Variants in CCDC33 observed in about 807,000 individuals in gnomAD.
CCDC33 encodes the protein coiled-coil domain containing 33.
CCDC33 carries 94 observed loss-of-function variants against 91.9 expected under a neutral mutation model. That is an observed-to-expected ratio of 1.02 (90% CI 0.87 to 1.21). The LOEUF (loss-of-function observed/expected upper bound fraction) is 1.21. CCDC33 is among the 50% of genes most tolerant of loss of function. The pLI, the probability that CCDC33 is intolerant of heterozygous loss-of-function variation, is 0.00. For missense variants in CCDC33, 940 were observed against 935.5 expected (o/e 1.00, Z -0.06); for synonymous variants, 396 against 374.5 (o/e 1.06, Z -0.66).
chr15:74,335,402 T>G, intron 18 of CCDC33: 1 of 580,472 alleles, frequency 1.7e-6, no homozygotes, highest in Non-Finnish European at 3.1e-6. Flanking sequence ...ACACTGTGCT[T>G]TAGGACTGGC....
intron 10 of CCDC33, among the ~76,000 whole-genome samples, chr15:74,282,774 C>T (rs374030145): frequency 2.6e-5 from 4 of 152,184 alleles, no homozygotes; most frequent in African/African-American, 9.7e-5. Context: ...GGATGAGCCT[C>T]GATCCCTCTC....
At chr15:74,258,319 G>T (rs1555409621) in intron 2 of CCDC33, among the ~76,000 whole-genome samples, 1 of 152,128 alleles carries the variant, frequency 6.6e-6, no homozygotes, top group Non-Finnish European at 1.5e-5. Context: ...CTGAGTCAGG[G>T]CCCTCCCCTT....
chr15:74,245,830 C>T lies in CCDC33; in HGVS notation c.185+1682C>T, dbSNP rs189264138. Among the ~76,000 whole-genome samples the T allele has an allele frequency of 6.1e-3, 932 of 152,322 alleles. 11 individuals carry two copies. Among genetic ancestry groups the T allele is most frequent in the African/African-American group, 0.021 (876 of 41,576 alleles). ...CCCTTCTCCAGCTGGGAGCAGCGCC[C>T]GGGCCAGGCTGCAGCCTGCGTCCCA... On this transcript the variant is annotated intron_variant, in intron 2 of 18. Transcript: ENST00000398814.
At chr15:74,229,885 G>A (rs1353334151) in intron 2 of CCDC33, among the ~76,000 whole-genome samples, 1 of 152,270 alleles carries the variant, frequency 6.6e-6, no homozygotes, top group Admixed American at 6.5e-5. Flanking sequence ...GAAGCCCACA[G>A]TGGATCATGA....
At chr15:74,302,470 C>T (rs941073752) in intron 11 of CCDC33, 7 of 152,292 alleles carry the variant, frequency 4.6e-5, no homozygotes, top group African/African-American at 1.7e-4. Flanking sequence ...GTTTCTCCAT[C>T]TTAGCATGCT....
At chr15:74,217,718 C>A in intron 1 of CCDC33, 1 of 681,192 alleles carries the variant, frequency 1.5e-6, no homozygotes, top group Non-Finnish European at 2.0e-6. Flanking sequence ...AAAGCTCTGC[C>A]GGTGTGACCT....
upstream of CCDC33, among the ~76,000 whole-genome samples, chr15:74,234,562 C>A (rs1016814110): frequency 2.6e-5 from 4 of 152,062 alleles, no homozygotes; most frequent in African/African-American, 9.7e-5. Flanking sequence ...AGGTGAACAA[C>A]CAGCAAGTCA....
At position 74,218,853 on chromosome 15, in the gene CCDC33, A is replaced by T. The variant is rs1202173019; in HGVS notation, c.667A>T (p.Ile223Leu). The change falls in exon 2 of 3, where the codon ATA becomes TTA. Residue 223 changes from isoleucine (I) to leucine (L), a missense_variant. By Grantham distance (5) the Ile-to-Leu change is conservative. Transcript: ENST00000635913. This position sits in a 1 kb window ranked among gnomAD's most constrained non-coding sequence, Gnocchi z 4.8. ...ACCATGCCCAGAGCCCCAGCTCCCC[A>T]TACTGCAGGTGGGTGCTTCCCTGGT... 8.1e-7 allele frequency: 1 copy of T among 1,236,954 alleles called. No homozygotes were observed. The highest frequency in any genetic ancestry group is 1.6e-5 in the African/African-American group (1 of 64,470). The allele number at this position is 1,236,954 out of a possible 1,614,324, so 76.6% of individuals were successfully genotyped here. A position where few individuals can be genotyped will look rare whatever the true frequency, so the allele number is the denominator to read the frequency against.
chr15:74,257,524 G>A (rs1425075289), intron 2 of CCDC33, among the ~76,000 whole-genome samples: 2 of 152,212 alleles, frequency 1.3e-5, no homozygotes, highest in African/African-American at 4.8e-5. Context: ...CTTCCCTCCT[G>A]CCTGCCTGGC....
intron 1 of CCDC33, among the ~76,000 whole-genome samples, chr15:74,204,237 C>T (rs972040038): frequency 1.3e-5 from 2 of 152,354 alleles, no homozygotes; most frequent in East Asian, 1.9e-4. Flanking sequence ...CTTCCAGGCG[C>T]GAGTGTGAGC....
chr15:74,270,969 C>A (rs1401113855), intron 5 of CCDC33, among the ~76,000 whole-genome samples: 1 of 152,106 alleles, frequency 6.6e-6, no homozygotes, highest in African/African-American at 2.4e-5. Flanking sequence ...GAGGAGGGAA[C>A]AACCAAGGGC....
At position 74,261,922 on chromosome 15, in the gene CCDC33, G is replaced by A. The variant is rs181457272; in HGVS notation, c.186-518G>A. 2.8e-3 allele frequency among the ~76,000 whole-genome samples: 430 copies of A among 152,350 alleles called. 5 individuals carry two copies. The highest frequency in any genetic ancestry group is 7.9e-3 in the South Asian group (38 of 4,828). On this transcript the variant is annotated intron_variant, in intron 2 of 18. Coordinates refer to ENST00000398814, the MANE Select transcript of CCDC33 (RefSeq NM_025055.5). ...TCTCAGAAGGCAGCAGGATGTGCGT[G>A]CTTCATTGCAAGCATTTAGAACTGG... is the stretch of plus-strand genomic sequence containing the variant.
chr15:74,316,791 G>T lies in CCDC33; in HGVS notation c.1291-13398G>T, dbSNP rs546921792. Among the ~76,000 whole-genome samples the T allele has an allele frequency of 6.6e-6, 1 of 152,266 alleles. No homozygotes were observed. The highest frequency in any genetic ancestry group is 2.1e-4 in the South Asian group (1 of 4,822). ...AATATTTCTGGAGCCACTCTTATAT[G>T]CCAGACGCTGCTCGGACGTGTACAC... On this transcript the variant is annotated intron_variant, in intron 11 of 18. Coordinates refer to ENST00000398814, the MANE Select transcript of CCDC33 (RefSeq NM_025055.5). The surrounding 1 kb of genome is among the most constrained non-coding windows in gnomAD (Gnocchi z 4.7).
chr15:74,255,911 A>G (rs1389972205), intron 2 of CCDC33, among the ~76,000 whole-genome samples: 2 of 152,244 alleles, frequency 1.3e-5, no homozygotes, highest in Admixed American at 1.3e-4. Context: ...AGCCTGGGCC[A>G]GTGAGTTGGC....
At chr15:74,256,925 G>A (rs1276818945) in intron 2 of CCDC33, among the ~76,000 whole-genome samples, 3 of 152,180 alleles carry the variant, frequency 2.0e-5, no homozygotes, top group Non-Finnish European at 4.4e-5. Flanking sequence ...GGGTGGAGGA[G>A]CAGCATCCTT....
chr15:74,259,195 T>TG (rs1160116373), intron 2 of CCDC33, among the ~76,000 whole-genome samples: 1 of 151,562 alleles, frequency 6.6e-6, no homozygotes, highest in African/African-American at 2.4e-5. Flanking sequence ...GGCAGGTCTT[T>TG]GGGGGGACAG....
At chr15:74,271,944 G>A (rs2142434573) in intron 6 of CCDC33, 150 bp downstream of exon 6, 1 of 640,264 alleles carries the variant, frequency 1.6e-6, no homozygotes, top group Middle Eastern at 3.8e-4. Flanking sequence ...TTGGGTCTGA[G>A]GTCCCAGTAA....
rs531043980 is a variant in CCDC33, at chr15:74,326,142, T to G, written c.1291-4047T>G. Among the ~76,000 whole-genome samples the G allele has an allele frequency of 3.7e-4, 56 of 152,160 alleles. No homozygotes were observed. In the South Asian group the frequency reaches 0.011, roughly 31 times the overall value. ...GAGTTCAAGACCAGCCTGGGCAACA[T>G]AGCAAGGCCCCATCTTTACAAAAAA... On this transcript the variant is annotated intron_variant, in intron 11 of 18. Coordinates refer to ENST00000398814, the MANE Select transcript of CCDC33 (RefSeq NM_025055.5).
chr15:74,284,942 C>A (rs2059443162), intron 10 of CCDC33, among the ~76,000 whole-genome samples: 1 of 152,256 alleles, frequency 6.6e-6, no homozygotes, highest in African/African-American at 2.4e-5. Flanking sequence ...CCCTTTAAAT[C>A]AAATATTGCA....
Sources: allele counts gnomAD v4.1 joint callset (sites outside exome capture counted in the v4.1 genomes callset), GRCh38; gene constraint gnomAD v4.1.1; non-coding constraint Gnocchi (gnomAD v3.1); transcripts MANE v1.5; gene names NCBI Gene and HGNC (gene_info 2026-07-23, HGNC 2026-07-21).